The following CNNM4 variants were observed in gnomAD, a reference collection of about 807,000 sequenced individuals.
CNNM4 encodes metal transporter CNNM4.
CNNM4 carries 32 observed loss-of-function variants against 53.7 expected under a neutral mutation model. The observed-to-expected ratio is 0.60, with a 90% CI of 0.45 to 0.80. The LOEUF (loss-of-function observed/expected upper bound fraction) is 0.80, where lower values mean the gene tolerates loss of function less well. Among genes scored for constraint, CNNM4 ranks in the 30% least tolerant of loss-of-function variants. The pLI is 0.00. For missense variants in CNNM4, 784 were observed against 1,022.0 expected (o/e 0.77, Z 3.17); for synonymous variants, 410 against 440.0 (o/e 0.93, Z 0.85).
At position 96,761,880 on chromosome 2, in the gene CNNM4, A is replaced by G; in HGVS notation, c.881A>G (p.His294Arg). 1.2e-6 allele frequency: 2 copies of G among 1,614,162 alleles called. No individual in the cohort carries two copies. The highest frequency in any genetic ancestry group is 8.5e-7 in the Non-Finnish European group (1 of 1,180,018). ...CTACCTCAGGCCCTGTGCTCCCGAC[A>G]TGGGCTGGCTGTGGGTGCCAACACC... Reference protein sequence around the residue: ...EILPQALCSRHGLAVGANTIL... With the variant: ...EILPQALCSRRGLAVGANTIL... Residue 294 changes from histidine (H) to arginine (R), a missense_variant, in exon 1 of 7, where the codon CAT (histidine) becomes CGT (arginine). Physicochemically the swap from His to Arg is conservative, Grantham distance 29. Coordinates refer to ENST00000377075, the MANE Select transcript of CNNM4 (RefSeq NM_020184.4). The surrounding 1 kb of genome is among the most constrained non-coding windows in gnomAD (Gnocchi z 6.0).
At chr2:96,774,074 G>A (rs1201834807) in intron 1 of CNNM4, among the ~76,000 whole-genome samples, 1 of 152,136 alleles carries the variant, frequency 6.6e-6, no homozygotes, top group African/African-American at 2.4e-5. Context: ...TCCAAATTGG[G>A]GAGAGTTAAA....
At position 96,800,533 on chromosome 2, in the gene CNNM4, C is replaced by T. The variant is rs545114734; in HGVS notation, c.1948+885C>T. 6.6e-5 allele frequency among the ~76,000 whole-genome samples: 10 copies of T among 152,188 alleles called. No homozygotes were observed. The highest frequency in any genetic ancestry group is 1.0e-4 in the Non-Finnish European group (7 of 68,030). On this transcript the variant is annotated intron_variant, in intron 5 of 6. Coordinates refer to ENST00000377075, the MANE Select transcript of CNNM4 (RefSeq NM_020184.4). The surrounding 1 kb of genome is among the most constrained non-coding windows in gnomAD (Gnocchi z 4.6). ...ATACTGACACCCAGCTTGGCTTATC[C>T]ACCATGTCCTCGGCCCCTCCACCAG...
In CNNM4 at chr2:96,760,902, A is replaced by C. The variant is rs1345157062; in HGVS notation, c.-98A>C. The C allele has an allele frequency of 1.6e-5, 9 of 577,930 alleles. No individual in the cohort carries two copies. The highest frequency in any genetic ancestry group is 2.0e-5 in the Non-Finnish European group (9 of 457,274). The allele number at this position is 577,930 out of a possible 1,614,324, so 35.8% of individuals were successfully genotyped here. ...CTGACGTCAGGCTCGCGGCCCGGGC[A>C]GTTGGCTCGGCGGCAGCGGAGCGGC... is the stretch of plus-strand genomic sequence containing the variant. On this transcript the variant is annotated 5_prime_UTR_variant, in exon 1 of 7. Coordinates refer to ENST00000377075, the MANE Select transcript of CNNM4 (RefSeq NM_020184.4).
At chr2:96,773,881 T>C (rs1194919228) in intron 1 of CNNM4, among the ~76,000 whole-genome samples, 1 of 142,440 alleles carries the variant, frequency 7.0e-6, no homozygotes, top group African/African-American at 2.4e-5. Flanking sequence ...ATAGAAAGCT[T>C]ATTAAAAATA....
intron 1 of CNNM4, among the ~76,000 whole-genome samples, chr2:96,765,024 G>GATT (rs2078801708): frequency 2.2e-4 from 9 of 41,558 alleles, no homozygotes; most frequent in African/African-American, 7.9e-4. Flanking sequence ...GTTGGGAATG[G>GATT]TTTTTTTTTT....
chr2:96,769,008 T>G (rs1017539917), intron 1 of CNNM4, among the ~76,000 whole-genome samples: 1 of 152,140 alleles, frequency 6.6e-6, no homozygotes, highest in African/African-American at 2.4e-5. Context: ...TCCCAGCACT[T>G]TGGGAGGCCG....
chr2:96,796,498 A>C (rs2079105682), intron 1 of CNNM4, among the ~76,000 whole-genome samples: 1 of 152,084 alleles, frequency 6.6e-6, no homozygotes, highest in African/African-American at 2.4e-5. Context: ...GTGGTGGCTC[A>C]TTCCTGTATT....
chr2:96,786,017 G>T (rs765298665), intron 1 of CNNM4, among the ~76,000 whole-genome samples: 1 of 150,694 alleles, frequency 6.6e-6, no homozygotes. Context: ...AACCCAGGAG[G>T]TGGAGCTTGC....
At chr2:96,773,493 T>A (rs1478560470) in intron 1 of CNNM4, among the ~76,000 whole-genome samples, 1 of 152,174 alleles carries the variant, frequency 6.6e-6, no homozygotes, top group African/African-American at 2.4e-5. Context: ...CAGGGTGGTG[T>A]CATTTTTGGA....
intron 1 of CNNM4, among the ~76,000 whole-genome samples, chr2:96,779,510 A>G (rs1574064065): frequency 7.0e-6 from 1 of 143,484 alleles, no homozygotes; most frequent in East Asian, 2.2e-4. Flanking sequence ...CCTCGTCTCA[A>G]AAAAAAAAAA....
At position 96,800,670 on chromosome 2, in the gene CNNM4, C is replaced by T. The variant is rs1162476580; in HGVS notation, c.1948+1022C>T. Among the ~76,000 whole-genome samples, 1 of 152,242 alleles carries T rather than the reference C, an allele frequency of 6.6e-6. No homozygotes were observed. Among genetic ancestry groups the T allele is most frequent in the Non-Finnish European group, 1.5e-5 (1 of 68,036 alleles). On this transcript the variant is annotated intron_variant, in intron 5 of 6. Transcript: ENST00000377075. This position sits in a 1 kb window ranked among gnomAD's most constrained non-coding sequence, Gnocchi z 4.6. ...TCAGGCCTGGGGATGACTTCCTGTG[C>T]CTCCAAGAGCAGCTGTTCTCTGTTC...
chr2:96,778,482 G>A (rs554237967), intron 1 of CNNM4, among the ~76,000 whole-genome samples: 3 of 151,590 alleles, frequency 2.0e-5, no homozygotes, highest in African/African-American at 7.3e-5. Context: ...GCTTGAACCC[G>A]GGAGGTGGAG....
At position 96,800,723 on chromosome 2, in the gene CNNM4, C is replaced by T. The variant is rs1037067403; in HGVS notation, c.1948+1075C>T. ...TTTGAGGAAATCTCATTCAGAAGGG[C>T]GGGCAGGCACGGGAGGCTTCCCCCA... On this transcript the variant is annotated intron_variant, in intron 5 of 6. Coordinates refer to ENST00000377075, the MANE Select transcript of CNNM4 (RefSeq NM_020184.4). This position sits in a 1 kb window ranked among gnomAD's most constrained non-coding sequence, Gnocchi z 4.6. 1.3e-5 allele frequency among the ~76,000 whole-genome samples: 2 copies of T among 152,202 alleles called. No individual in the cohort carries two copies. The highest frequency in any genetic ancestry group is 2.9e-5 in the Non-Finnish European group (2 of 68,024).
chr2:96,799,379 C>T (rs2079137768), intron 4 of CNNM4, among the ~76,000 whole-genome samples, 153 bp downstream of exon 4: 1 of 152,132 alleles, frequency 6.6e-6, no homozygotes, highest in Admixed American at 6.5e-5. Context: ...ACGTGGCCAT[C>T]CTCTCCCTGA....
chr2:96,793,292 AC>A (rs2079077219), intron 1 of CNNM4, among the ~76,000 whole-genome samples: 1 of 152,192 alleles, frequency 6.6e-6, no homozygotes, highest in South Asian at 2.1e-4. Flanking sequence ...GGAAAATTCT[AC>A]CAGGACAAAA....
Position 96,761,475 on chromosome 2 carries a change from C to A in CNNM4, c.476C>A (p.Pro159His). 3 of 1,614,090 alleles carry A rather than the reference C, an allele frequency of 1.9e-6. No homozygotes were observed. Among genetic ancestry groups the A allele is most frequent in the Non-Finnish European group, 1.7e-6 (2 of 1,180,006 alleles). Reference protein sequence around the residue: ...ALCTRAQPDGPWLKWTDKDSL... With the variant: ...ALCTRAQPDGHWLKWTDKDSL... Reference sequence around the variant, plus strand: ...TGCACCCGGGCCCAGCCCGACGGGCCCTGGCTGAAGTGGACGGACAAGGAC... The same window carrying A: ...TGCACCCGGGCCCAGCCCGACGGGCACTGGCTGAAGTGGACGGACAAGGAC... The change falls in exon 1 of 7, where the codon CCC becomes CAC. Residue 159 changes from proline to histidine, a missense_variant. Pro to His is a moderately conservative substitution (Grantham distance 77). Coordinates refer to ENST00000377075, the MANE Select transcript of CNNM4 (RefSeq NM_020184.4). The surrounding 1 kb of genome is among the most constrained non-coding windows in gnomAD (Gnocchi z 6.0).
intron 1 of CNNM4, among the ~76,000 whole-genome samples, chr2:96,790,134 G>C (rs566249804): frequency 3.4e-5 from 5 of 147,844 alleles, no homozygotes; most frequent in Non-Finnish European, 5.9e-5. Flanking sequence ...AGCCTCCCAA[G>C]TAGCTGGGAC....
At chr2:96,774,307 T>A (rs895767710) in intron 1 of CNNM4, among the ~76,000 whole-genome samples, 2 of 152,088 alleles carry the variant, frequency 1.3e-5, no homozygotes, top group East Asian at 3.9e-4. Flanking sequence ...CCATCTTGCC[T>A]CCGCAACAAA....
Position 96,772,323 on chromosome 2 carries a change from C to T in CNNM4, c.1402+9922C>T, listed in dbSNP as rs192619826. Reference sequence around the variant, plus strand: ...CAGGCAGGCTCTACTCCCACCCGTGCGCACACACACTCATACCCCTCACAT... The same window carrying T: ...CAGGCAGGCTCTACTCCCACCCGTGTGCACACACACTCATACCCCTCACAT... On this transcript the variant is annotated intron_variant, in intron 1 of 6. Coordinates refer to ENST00000377075, the MANE Select transcript of CNNM4 (RefSeq NM_020184.4). Among the ~76,000 whole-genome samples the T allele has an allele frequency of 3.7e-4, 52 of 142,352 alleles. 4 individuals are homozygous for T. In the East Asian group the frequency reaches 8.4e-3, roughly 23 times the overall value. The allele number at this position is 142,352 out of a possible 152,430, so 93.4% of individuals were successfully genotyped here.
Sources: gnomAD v4.1 joint callset for allele counts (sites outside exome capture counted in the v4.1 genomes callset) on GRCh38, gnomAD v4.1.1 for gene constraint, Gnocchi (gnomAD v3.1) non-coding constraint, MANE v1.5 for transcripts, NCBI Gene and HGNC (gene_info 2026-07-23, HGNC 2026-07-21) for gene names.